Variants in LRP1B observed in about 807,000 individuals in gnomAD.
LRP1B encodes the protein low-density lipoprotein receptor-related protein 1B.
A neutral mutation model predicts 556.6 loss-of-function variants in LRP1B; 217 were observed. That is an observed-to-expected ratio of 0.39 (90% CI 0.35 to 0.44). The LOEUF (loss-of-function observed/expected upper bound fraction) is 0.44. Among genes scored for constraint, LRP1B ranks in the 20% least tolerant of loss-of-function variants. The pLI is 1.00. For missense variants in LRP1B, 5,053 were observed against 5,620.8 expected (o/e 0.90, Z 3.23); for synonymous variants, 2,047 against 1,865.8 (o/e 1.10, Z -2.50).
intron 75 of LRP1B, among the ~76,000 whole-genome samples, chr2:140,354,969 C>T (rs1247441503): frequency 6.6e-6 from 1 of 151,904 alleles, no homozygotes; most frequent in Non-Finnish European, 1.5e-5. Flanking sequence ...TTATGTCTTA[C>T]CCTTCTTTGA....
chr2:141,862,003 ACT>A (rs1320410131), intron 1 of LRP1B, among the ~76,000 whole-genome samples: 1 of 152,190 alleles, frequency 6.6e-6, no homozygotes, highest in Non-Finnish European at 1.5e-5. Context: ...TCATATTGTT[ACT>A]TAGTCATAAA....
chr2:141,562,929 CAAT>C (rs1686213858), intron 2 of LRP1B, among the ~76,000 whole-genome samples: 1 of 151,680 alleles, frequency 6.6e-6, no homozygotes, highest in African/African-American at 2.4e-5. Context: ...TTAATATGAA[CAAT>C]AAGACCAATT....
At chr2:141,881,419 G>T (rs756872561) in intron 1 of LRP1B, among the ~76,000 whole-genome samples, 6 of 152,032 alleles carry the variant, frequency 3.9e-5, no homozygotes, top group Non-Finnish European at 8.8e-5. Context: ...AGATACATTT[G>T]CATAGGAGCA....
rs549123417 is a variant in LRP1B at position 140,492,752 on chromosome 2, A to C, written c.9035-59T>G. 2.7e-5 allele frequency: 32 copies of C among 1,205,166 alleles called. No individual in the cohort carries two copies. In the African/African-American group the frequency reaches 3.9e-4, roughly 15 times the overall value. The allele number at this position is 1,205,166 out of a possible 1,614,324, so 74.7% of individuals were successfully genotyped here. The stretch of plus-strand genomic sequence containing the variant: ...AAGTATGTATGCTTTTCCCCTTTGC[A>C]TAATTTCAGTTTAGTTTAGCAGCAA... On this transcript the variant is annotated intron_variant, in intron 56 of 90. Coordinates refer to ENST00000389484, the MANE Select transcript of LRP1B (RefSeq NM_018557.3).
chr2:141,175,395 C>T (rs1252043459), intron 7 of LRP1B, among the ~76,000 whole-genome samples: 1 of 152,126 alleles, frequency 6.6e-6, no homozygotes, highest in Non-Finnish European at 1.5e-5. Flanking sequence ...TCTATGCAGC[C>T]TTGGGACTTG....
At chr2:140,487,842 G>A (rs1688536798) in intron 57 of LRP1B, 103 bp from the exon 58 acceptor site, 1 of 658,744 alleles carries the variant, frequency 1.5e-6, no homozygotes, top group Non-Finnish European at 2.4e-6. Context: ...AAACTAAATA[G>A]TTCTATTTAT....
At chr2:141,793,484 G>A (rs1270903218) in intron 2 of LRP1B, among the ~76,000 whole-genome samples, 1 of 151,848 alleles carries the variant, frequency 6.6e-6, no homozygotes, top group Non-Finnish European at 1.5e-5. Context: ...AGTGGCATAA[G>A]CCCAACACTT....
chr2:140,374,237 C>T (rs796684414), intron 68 of LRP1B, among the ~76,000 whole-genome samples: 20 of 152,200 alleles, frequency 1.3e-4, no homozygotes, highest in African/African-American at 4.1e-4. Context: ...ATGATGTTTT[C>T]TGTTGTTAGG....
chr2:141,658,510 C>T (rs1043883816), intron 2 of LRP1B, among the ~76,000 whole-genome samples: 3 of 152,184 alleles, frequency 2.0e-5, no homozygotes, highest in Admixed American at 2.0e-4. Flanking sequence ...CTGAGAGACA[C>T]TAGCCTTGAG....
intron 83 of LRP1B, among the ~76,000 whole-genome samples, chr2:140,313,768 T>A (rs1235235005): frequency 3.9e-5 from 6 of 151,906 alleles, no homozygotes; most frequent in African/African-American, 1.4e-4. Flanking sequence ...GTACTACAAT[T>A]TTTTCTGTAG....
chr2:141,065,653 T>C lies in LRP1B; in HGVS notation c.1014-3380A>G, dbSNP rs572764879. 3.3e-5 allele frequency among the ~76,000 whole-genome samples: 5 copies of C among 152,058 alleles called. No individual in the cohort carries two copies. In the South Asian group the frequency reaches 6.2e-4, roughly 19 times the overall value. ...CTTTTGAACTGAAATGCAATGATTT[T>C]GCACTTTATTGTTACCACCCCTAGG... On this transcript the variant is annotated intron_variant, in intron 7 of 90. Transcript: ENST00000389484.
At chr2:141,397,132 A>AAAAAAAC (rs1690269812) in intron 3 of LRP1B, among the ~76,000 whole-genome samples, 1 of 149,296 alleles carries the variant, frequency 6.7e-6, no homozygotes, top group African/African-American at 2.5e-5. Flanking sequence ...AAAAAAAAAA[A>AAAAAAAC]AAAGGATGTG....
chr2:140,613,309 A>G (rs945594921), intron 41 of LRP1B, among the ~76,000 whole-genome samples: 4 of 138,976 alleles, frequency 2.9e-5, no homozygotes, highest in Non-Finnish European at 6.2e-5. Flanking sequence ...ATAAAATTAT[A>G]TATAATTATA....
intron 35 of LRP1B, among the ~76,000 whole-genome samples, chr2:140,746,652 A>G (rs958162973): frequency 6.6e-5 from 10 of 152,124 alleles, no homozygotes; most frequent in Non-Finnish European, 1.3e-4. Flanking sequence ...CAGGAGAGCC[A>G]TGTTTTGTTT....
chr2:140,484,523 C>A (rs1688385686), intron 59 of LRP1B, among the ~76,000 whole-genome samples: 1 of 152,090 alleles, frequency 6.6e-6, no homozygotes. Flanking sequence ...AAACATCAAC[C>A]TTTCTTTAAA....
chr2:140,501,686 C>T lies in LRP1B; in HGVS notation c.8850+1G>A, dbSNP rs1200203490. ...ATTTGCTACTTTTGATGAGTACCTA[C>T]CTTATAACTGACCGGAAGGTCTTGA... On this transcript the variant is annotated splice_donor_variant, in intron 55 of 90. Transcript: ENST00000389484. LOFTEE classifies it high-confidence loss of function. 2.5e-6 allele frequency: 4 copies of T among 1,607,544 alleles called. No individual in the cohort carries two copies. Among genetic ancestry groups the T allele is most frequent in the South Asian group, 2.2e-5 (2 of 90,240 alleles).
chr2:141,306,226 A>G (rs949372964), intron 3 of LRP1B, among the ~76,000 whole-genome samples: 5 of 152,088 alleles, frequency 3.3e-5, no homozygotes, highest in Non-Finnish European at 5.9e-5. Flanking sequence ...ATTGGTACTC[A>G]TTCTTCTTTA....
chr2:140,587,645 A>T (rs1311031336), intron 43 of LRP1B, among the ~76,000 whole-genome samples: 1 of 152,174 alleles, frequency 6.6e-6, no homozygotes, highest in Non-Finnish European at 1.5e-5. Flanking sequence ...TTAACTTTGG[A>T]GATAAATAGC....
intron 2 of LRP1B, among the ~76,000 whole-genome samples, chr2:141,794,959 T>C (rs1040002313): frequency 2.6e-5 from 4 of 152,084 alleles, no homozygotes; most frequent in Non-Finnish European, 5.9e-5. Flanking sequence ...CCATCAGTAT[T>C]TCTATCACAG....
Sources: gnomAD v4.1 joint callset for allele counts (sites outside exome capture counted in the v4.1 genomes callset) on GRCh38, gnomAD v4.1.1 for gene constraint, MANE v1.5 for transcripts, NCBI Gene and HGNC (gene_info 2026-07-23, HGNC 2026-07-21) for gene names.